The following CLIC5 variants were observed in gnomAD, a reference collection of about 807,000 sequenced individuals.
CLIC5 encodes the protein chloride intracellular channel protein 5.
In CLIC5, 20 loss-of-function variants were observed where a neutral mutation model predicts 24.7. The ratio of observed to expected loss-of-function variants is 0.81; its 90% CI spans 0.57 to 1.18. CLIC5 has a LOEUF of 1.18. Ranked by LOEUF, CLIC5 falls within the 50% of genes most tolerant of loss-of-function variation. The pLI is 0.00. For missense variants in CLIC5, 341 were observed against 326.1 expected (o/e 1.05, Z -0.35); for synonymous variants, 159 against 135.6 (o/e 1.17, Z -1.20).
the CLIC5 span, among the ~76,000 whole-genome samples, chr6:46,093,389 T>G: frequency 6.6e-6 from 1 of 152,312 alleles, no homozygotes; most frequent in African/African-American, 2.4e-5. Context: ...TCAGCAGGTC[T>G]GGGATGGGGC....
At chr6:45,920,507 G>A (rs1763213738) in intron 4 of CLIC5, 1 of 302,652 alleles carries the variant, frequency 3.3e-6, no homozygotes, top group Non-Finnish European at 4.9e-6. Flanking sequence ...AAAGACCATG[G>A]CAGACGGAGA....
chr6:45,988,783 T>C (rs1438461649), intron 1 of CLIC5, among the ~76,000 whole-genome samples: 2 of 152,242 alleles, frequency 1.3e-5, no homozygotes, highest in African/African-American at 4.8e-5. Flanking sequence ...TTTGTGGTGC[T>C]GGCCCAGCCA....
chr6:46,047,160 T>G (rs1485538746), intron 1 of CLIC5, among the ~76,000 whole-genome samples: 1 of 152,202 alleles, frequency 6.6e-6, no homozygotes, highest in East Asian at 1.9e-4. Flanking sequence ...CCTCAGATGG[T>G]ATTAGAGTTG....
intron 5 of CLIC5, among the ~76,000 whole-genome samples, chr6:45,913,214 G>A (rs576277178): frequency 6.6e-6 from 1 of 152,298 alleles, no homozygotes; most frequent in South Asian, 2.1e-4. Flanking sequence ...TTTCCTCACA[G>A]AGTTTGCTGT....
upstream of CLIC5, among the ~76,000 whole-genome samples, chr6:46,085,345 G>A (rs1017197744): frequency 6.6e-6 from 1 of 152,212 alleles, no homozygotes; most frequent in East Asian, 1.9e-4. Flanking sequence ...AGGAGGAGAG[G>A]CGCTCTGCTT....
At chr6:46,052,555 T>G (rs1377603833) in intron 1 of CLIC5, among the ~76,000 whole-genome samples, 2 of 151,972 alleles carry the variant, frequency 1.3e-5, no homozygotes, top group African/African-American at 4.8e-5. Flanking sequence ...ACAGAGGAGG[T>G]GGGGGCCCTG....
chr6:46,025,064 TTATAG>T (rs912062657), intron 1 of CLIC5, among the ~76,000 whole-genome samples: 3 of 152,000 alleles, frequency 2.0e-5, no homozygotes, highest in Non-Finnish European at 4.4e-5. Context: ...AGAGAATGTC[TTATAG>T]TATAATAAAA....
intron 4 of CLIC5, among the ~76,000 whole-genome samples, chr6:45,916,307 C>G (rs767455953): frequency 6.6e-5 from 10 of 152,100 alleles, no homozygotes; most frequent in Admixed American, 4.6e-4. Context: ...CAGTATATTC[C>G]TTAATAATTG....
At chr6:45,896,944 T>C (rs946749477), downstream of CLIC5, among the ~76,000 whole-genome samples, 18 of 152,142 alleles carry the variant, frequency 1.2e-4, no homozygotes, top group Non-Finnish European at 1.8e-4. Context: ...TTGGCTAATA[T>C]ACCACTTAGA....
chr6:45,886,978 G>C (rs181138854), intron 6 of CLIC5, among the ~76,000 whole-genome samples: 1 of 152,302 alleles, frequency 6.6e-6, no homozygotes, highest in East Asian at 1.9e-4. Context: ...TGCCAGAGAG[G>C]GGGCATGGAC....
chr6:45,960,929 C>G (rs1764824284), intron 1 of CLIC5, among the ~76,000 whole-genome samples: 1 of 152,192 alleles, frequency 6.6e-6, no homozygotes, highest in East Asian at 1.9e-4. Flanking sequence ...CTCCCTCAGC[C>G]CTAGGGTACC....
intron 1 of CLIC5, among the ~76,000 whole-genome samples, chr6:45,996,993 C>G (rs1160421235): frequency 6.6e-6 from 1 of 152,132 alleles, no homozygotes; most frequent in Non-Finnish European, 1.5e-5. Flanking sequence ...ACCCAGCCAT[C>G]CCATTACTGG....
At chr6:45,898,218 G>T (rs1215311462), downstream of CLIC5, among the ~76,000 whole-genome samples, 1 of 152,098 alleles carries the variant, frequency 6.6e-6, no homozygotes, top group East Asian at 1.9e-4. Flanking sequence ...GATTACAGTC[G>T]AATCACTTGA....
chr6:45,916,893 G>A (rs182563114), intron 4 of CLIC5, among the ~76,000 whole-genome samples: 1 of 152,280 alleles, frequency 6.6e-6, no homozygotes, highest in East Asian at 1.9e-4. Flanking sequence ...TTTTTGACCA[G>A]GAATGTGAGG....
In CLIC5 at chr6:46,072,528, A is replaced by G. The variant is rs147501417; in HGVS notation, c.540+7175T>C. 2.6e-3 allele frequency among the ~76,000 whole-genome samples: 390 copies of G among 152,296 alleles called. 3 individuals carry two copies. Among genetic ancestry groups the G allele is most frequent in the African/African-American group, 9.0e-3 (373 of 41,572 alleles). ...TGGGATTAGTAGTGCATGCATTGAC[A>G]TTGAGTTTGTAGTCTCTTGGGGGAA... On this transcript the variant is annotated intron_variant, in intron 1 of 5. Coordinates refer to the CLIC5 transcript ENST00000185206.
chr6:46,013,384 T>A (rs540966878), intron 1 of CLIC5, among the ~76,000 whole-genome samples: 3 of 152,362 alleles, frequency 2.0e-5, no homozygotes, highest in South Asian at 4.1e-4. Context: ...CTGGGCAGCA[T>A]CTTTATTTCA....
chr6:45,888,532 T>C (rs955053455), intron 6 of CLIC5, among the ~76,000 whole-genome samples: 1 of 152,210 alleles, frequency 6.6e-6, no homozygotes, highest in African/African-American at 2.4e-5. Flanking sequence ...TGGCCAGTTA[T>C]AATTTTGCTT....
At chr6:46,079,718 A>C in exon 1 of CLIC5, 1 of 1,551,280 alleles carries the variant, frequency 6.4e-7, no homozygotes, top group Non-Finnish European at 8.7e-7. Context: ...CAAAGAGGTA[A>C]ATCTCAGGGT....
At chr6:46,031,068 A>T (rs2127455616) in intron 1 of CLIC5, among the ~76,000 whole-genome samples, 1 of 152,352 alleles carries the variant, frequency 6.6e-6, no homozygotes, top group South Asian at 2.1e-4. Flanking sequence ...ATATGTCTAT[A>T]TCAGTCTCTG....
Sources: gnomAD v4.1 joint callset for allele counts (sites outside exome capture counted in the v4.1 genomes callset) on GRCh38, gnomAD v4.1.1 for gene constraint, MANE v1.5 for transcripts, NCBI Gene and HGNC (gene_info 2026-07-23, HGNC 2026-07-21) for gene names.